The following SHISA5 variants were observed in gnomAD, a reference collection of about 807,000 sequenced individuals.
SHISA5 encodes the protein shisa family member 5, also known as protein shisa-5.
In SHISA5, 21 loss-of-function variants were observed where a neutral mutation model predicts 27.5. That is an observed-to-expected ratio of 0.76 (90% CI 0.54 to 1.10). The LOEUF is 1.10. SHISA5 is among the 50% of genes least tolerant of loss of function. SHISA5 has a pLI of 0.00. For missense variants in SHISA5, 314 were observed against 336.3 expected (o/e 0.93, Z 0.52); for synonymous variants, 137 against 142.2 (o/e 0.96, Z 0.26).
intron 2 of SHISA5, among the ~76,000 whole-genome samples, chr3:48,481,245 C>A (rs1228855226): frequency 6.6e-6 from 1 of 151,828 alleles, no homozygotes; most frequent in Non-Finnish European, 1.5e-5. Flanking sequence ...ACAAGACCAG[C>A]CTGGCCAAGA....
At chr3:48,503,985 A>G in intron 1 of SHISA5, 34 bp downstream of exon 1, 1 of 1,453,750 alleles carries the variant, frequency 6.9e-7, no homozygotes, top group South Asian at 1.3e-5. Context: ...GCCCGGTCCC[A>G]GGGCAGGACG....
In SHISA5 at chr3:48,468,986, G is replaced by T; in HGVS notation, c.*121C>A. The T allele has an allele frequency of 1.3e-6, 2 of 1,573,560 alleles. No homozygotes were observed. The highest frequency in any genetic ancestry group is 1.7e-6 in the Non-Finnish European group (2 of 1,157,204). Reference sequence around the variant, plus strand: ...AGGCAGGACACACACAGCACACATGGGGCGTAAGGAACCGTGCCTGGACAC... The same window carrying T: ...AGGCAGGACACACACAGCACACATGTGGCGTAAGGAACCGTGCCTGGACAC... On this transcript the variant is annotated 3_prime_UTR_variant, in exon 6 of 6. Transcript: ENST00000296444.
At position 48,468,596 on chromosome 3, in the gene SHISA5, A is replaced by G. The variant is rs1376816583; in HGVS notation, c.*511T>C. 10 of 1,191,980 alleles carry G rather than the reference A, an allele frequency of 8.4e-6. No individual in the cohort carries two copies. The highest frequency in any genetic ancestry group is 1.6e-5 in the African/African-American group (1 of 62,574). The allele number at this position is 1,191,980 out of a possible 1,614,324, so 73.8% of individuals were successfully genotyped here. On this transcript the variant is annotated 3_prime_UTR_variant, in exon 6 of 6. Transcript: ENST00000296444. ...CCAGATCCCAAGCTTCGCCTGCATC[A>G]TGTCCCTGGCTCTGCAACGGGTACC...
At chr3:48,499,605 G>A (rs2041690646) in intron 2 of SHISA5, among the ~76,000 whole-genome samples, 1 of 148,788 alleles carries the variant, frequency 6.7e-6, no homozygotes, top group Non-Finnish European at 1.5e-5. Flanking sequence ...GCGTGAACCT[G>A]GGAGGCGGAG....
intron 2 of SHISA5, among the ~76,000 whole-genome samples, chr3:48,480,866 A>G (rs1034717056): frequency 6.6e-5 from 10 of 152,120 alleles, no homozygotes; most frequent in African/African-American, 2.4e-4. Flanking sequence ...AGATCGAGGC[A>G]GGCAGATCAA....
At chr3:48,501,344 G>A in intron 1 of SHISA5, 51 bp from the exon 2 acceptor site, 2 of 1,586,206 alleles carry the variant, frequency 1.3e-6, no homozygotes, top group Non-Finnish European at 8.6e-7. Flanking sequence ...CCAGGCCCCA[G>A]CAGACACAGC....
rs140848738 is a variant in SHISA5 at position 48,500,324 on chromosome 3, T to C, written c.233+813A>G. On this transcript the variant is annotated intron_variant, in intron 2 of 5. Transcript: ENST00000296444. ...AAAGGAATGAAATGGTCCTGACATA[T>C]TAAAGTAAATATATAGGCCAGGCAT... 8.5e-5 allele frequency among the ~76,000 whole-genome samples: 13 copies of C among 152,166 alleles called. No individual in the cohort carries two copies. The East Asian group carries it at 2.5e-3, about 29-fold the overall frequency.
intron 1 of SHISA5, among the ~76,000 whole-genome samples, 167 bp from the exon 2 acceptor site, chr3:48,501,460 C>A (rs2041753671): frequency 6.6e-6 from 1 of 152,176 alleles, no homozygotes; most frequent in South Asian, 2.1e-4. Context: ...ACTGCTCCCC[C>A]TCAGCCTTGC....
At chr3:48,489,864 A>G (rs1020945824) in intron 2 of SHISA5, among the ~76,000 whole-genome samples, 1 of 151,822 alleles carries the variant, frequency 6.6e-6, no homozygotes, top group Non-Finnish European at 1.5e-5. Context: ...TCCTGGGCTC[A>G]AGCAATCCTC....
At chr3:48,489,195 ATTTTTTTTTT>A (rs11293006) in intron 2 of SHISA5, among the ~76,000 whole-genome samples, 1 of 130,090 alleles carries the variant, frequency 7.7e-6, no homozygotes, top group Non-Finnish European at 1.7e-5. Flanking sequence ...ACATTATGAG[ATTTTTTTTTT>A]TTTTTTTTTG....
chr3:48,475,515 C>G (rs541206223), intron 3 of SHISA5, among the ~76,000 whole-genome samples: 6 of 152,284 alleles, frequency 3.9e-5, no homozygotes, highest in South Asian at 4.1e-4. Context: ...CCCGCACCCC[C>G]ACCCTGGTGT....
At position 48,493,180 on chromosome 3, in the gene SHISA5, G is replaced by A. The variant is rs1000182213; in HGVS notation, c.233+7957C>T. Among the ~76,000 whole-genome samples, 58 of 147,390 alleles carry A rather than the reference G, an allele frequency of 3.9e-4. 1 individual carries two copies. Among genetic ancestry groups the A allele is most frequent in the Admixed American group, 1.5e-3 (23 of 15,074 alleles). On this transcript the variant is annotated intron_variant, in intron 2 of 5. Transcript: ENST00000296444. ...GCAGTGGCTTACACCTGTAATCCTAGCACTTTGGGAGGCCAAGGTGGGCTG... is the reference window on the plus strand; with the variant it reads ...GCAGTGGCTTACACCTGTAATCCTAACACTTTGGGAGGCCAAGGTGGGCTG...
chr3:48,501,356 C>T, intron 1 of SHISA5, 63 bp from the exon 2 acceptor site: 1 of 1,562,890 alleles, frequency 6.4e-7, no homozygotes, highest in Non-Finnish European at 8.7e-7. Context: ...AGACACAGCG[C>T]CCTCCCTGGC....
intron 2 of SHISA5, among the ~76,000 whole-genome samples, chr3:48,481,987 T>C (rs2041036030): frequency 6.7e-6 from 1 of 149,462 alleles, no homozygotes; most frequent in Non-Finnish European, 1.5e-5. Context: ...GAGAATGGTG[T>C]GAACCCGGGA....
rs542309056 is a variant in SHISA5, at chr3:48,473,453, T to C, written c.315-3610A>G. On this transcript the variant is annotated intron_variant, in intron 3 of 5. Transcript: ENST00000296444. The surrounding 1 kb of genome is among the most constrained non-coding windows in gnomAD (Gnocchi z 4.3). ...ACCCACCGGCCCTGTTCCACCAGCC[T>C]CCAGGAGGAGCTTCTGCATCCATCT... is the stretch of plus-strand genomic sequence containing the variant. 1 of 1,295,638 alleles carries C rather than the reference T, an allele frequency of 7.7e-7. No homozygotes were observed. The highest frequency in any genetic ancestry group is 2.3e-5 in the Admixed American group (1 of 43,730). The allele number at this position is 1,295,638 out of a possible 1,614,324, so 80.3% of individuals were successfully genotyped here.
chr3:48,490,688 C>T (rs1204340764), intron 2 of SHISA5, among the ~76,000 whole-genome samples: 1 of 152,058 alleles, frequency 6.6e-6, no homozygotes, highest in Non-Finnish European at 1.5e-5. Flanking sequence ...TCTGGCATAA[C>T]ATTAAGAGAC....
Position 48,469,059 on chromosome 3 carries a change from GCA to G in SHISA5, c.*46_*47del. 6.2e-7 allele frequency: 1 copy of G among 1,610,576 alleles called. No individual in the cohort carries two copies. The highest frequency in any genetic ancestry group is 8.5e-7 in the Non-Finnish European group (1 of 1,179,906). On this transcript the variant is annotated 3_prime_UTR_variant, in exon 6 of 6. Coordinates refer to ENST00000296444, the MANE Select transcript of SHISA5 (RefSeq NM_016479.6). This position sits in a 1 kb window ranked among gnomAD's most constrained non-coding sequence, Gnocchi z 4.6. ...GGAACCGCGCCTGCACACCACTCAC[GCA>G]CACACACAACATAACCAAGTGGCAG...
At chr3:48,497,863 C>T (rs915301626) in intron 2 of SHISA5, among the ~76,000 whole-genome samples, 1 of 149,572 alleles carries the variant, frequency 6.7e-6, no homozygotes, top group Non-Finnish European at 1.5e-5. Context: ...GCACTCCAGC[C>T]TGGGCAACAG....
At chr3:48,497,262 G>GTT (rs771239815) in intron 2 of SHISA5, among the ~76,000 whole-genome samples, 2,339 of 116,540 alleles carry the variant, frequency 0.02, 148 homozygotes, top group African/African-American at 0.077. Flanking sequence ...TCCAGAACAA[G>GTT]TTTTTTTTTT....
Sources: allele counts gnomAD v4.1 joint callset (sites outside exome capture counted in the v4.1 genomes callset), GRCh38; gene constraint gnomAD v4.1.1; non-coding constraint Gnocchi (gnomAD v3.1); transcripts MANE v1.5; gene names NCBI Gene and HGNC (gene_info 2026-07-23, HGNC 2026-07-21).